Variants in SRGAP3 observed in about 807,000 individuals in gnomAD.
The protein encoded by SRGAP3 is SLIT-ROBO Rho GTPase-activating protein 3.
In SRGAP3, 39 loss-of-function variants were observed where a neutral mutation model predicts 121.1. That is an observed-to-expected ratio of 0.32 (90% CI 0.25 to 0.42). SRGAP3 has a LOEUF of 0.42. SRGAP3 is among the 10% of genes least tolerant of loss of function. The probability of loss-of-function intolerance (pLI) is 1.00; values close to 1 mark genes in which losing one functional copy is unlikely to be tolerated. For synonymous variants in SRGAP3, 601 were observed against 570.0 expected (o/e 1.05, Z -0.77); for missense variants, 1,213 against 1,470.6 (o/e 0.82, Z 2.86).
At position 9,064,000 on chromosome 3, in the gene SRGAP3, C is replaced by T. The variant is rs924213336; in HGVS notation, c.672+396G>A. On this transcript the variant is annotated intron_variant, in intron 5 of 21. Coordinates refer to ENST00000383836, the MANE Select transcript of SRGAP3 (RefSeq NM_014850.4). The stretch of plus-strand genomic sequence containing the variant: ...ATTCAGCAATCAGTTCCCACCTCAC[C>T]CCCCGCCCCTACCCTTGGCCATCAA... Among the ~76,000 whole-genome samples, 4 of 152,296 alleles carry T rather than the reference C, an allele frequency of 2.6e-5. No individual in the cohort carries two copies. In the South Asian group the frequency reaches 6.2e-4, roughly 24 times the overall value.
chr3:9,253,998 C>A (rs560727029), upstream of SRGAP3, among the ~76,000 whole-genome samples: 1 of 152,176 alleles, frequency 6.6e-6, no homozygotes, highest in African/African-American at 2.4e-5. Context: ...GAAAAGCTGA[C>A]AAATTCAACC....
At chr3:9,286,213 C>T (rs1320206683) in intron 3 of SRGAP3, among the ~76,000 whole-genome samples, 2 of 151,812 alleles carry the variant, frequency 1.3e-5, no homozygotes, top group Admixed American at 6.6e-5. Flanking sequence ...TCACACAACA[C>T]TTATAATGAA....
chr3:9,062,968 A>T (rs114293452), intron 5 of SRGAP3, among the ~76,000 whole-genome samples: 1 of 152,118 alleles, frequency 6.6e-6, no homozygotes, highest in Non-Finnish European at 1.5e-5. Flanking sequence ...ATCACTGTAC[A>T]TTCCCTTTAG....
chr3:9,078,195 T>C (rs1025285034), intron 4 of SRGAP3, among the ~76,000 whole-genome samples: 1 of 151,930 alleles, frequency 6.6e-6, no homozygotes, highest in African/African-American at 2.4e-5. Context: ...TTGGTGTAAA[T>C]AGAGGGCACC....
intron 1 of SRGAP3, among the ~76,000 whole-genome samples, chr3:9,179,146 C>T (rs1951287734): frequency 6.6e-6 from 1 of 152,222 alleles, no homozygotes; most frequent in Non-Finnish European, 1.5e-5. Context: ...GTCCCAGCTG[C>T]CTGGATCACT....
At chr3:9,155,027 T>C (rs1028715511) in intron 1 of SRGAP3, among the ~76,000 whole-genome samples, 6 of 152,160 alleles carry the variant, frequency 3.9e-5, no homozygotes, top group Non-Finnish European at 4.4e-5. Context: ...CATCCTGTTT[T>C]TTAATCTCAA....
chr3:9,196,663 C>T (rs1435904343), intron 1 of SRGAP3, among the ~76,000 whole-genome samples: 1 of 152,074 alleles, frequency 6.6e-6, no homozygotes, highest in Non-Finnish European at 1.5e-5. Context: ...TAACATTTCC[C>T]TCCAAAACAA....
intron 1 of SRGAP3, among the ~76,000 whole-genome samples, chr3:9,332,780 G>A (rs1439514400): frequency 2.0e-5 from 3 of 152,136 alleles, no homozygotes; most frequent in Admixed American, 2.0e-4. Context: ...ATTAAAGACA[G>A]AAGGCAAGGG....
intron 1 of SRGAP3, among the ~76,000 whole-genome samples, chr3:9,127,150 C>T (rs570885372): frequency 7.4e-5 from 11 of 148,366 alleles, no homozygotes; most frequent in Non-Finnish European, 1.6e-4. Context: ...AGGGAGACCT[C>T]GTCTCCATAA....
chr3:9,293,390 T>A (rs1954900364), intron 3 of SRGAP3: 1 of 152,182 alleles, frequency 6.6e-6, no homozygotes, highest in Admixed American at 6.5e-5. Context: ...AAACTGAGGA[T>A]GTGGACTGAT....
chr3:9,043,030 G>A (rs556694791), intron 10 of SRGAP3, among the ~76,000 whole-genome samples: 6 of 152,148 alleles, frequency 3.9e-5, no homozygotes, highest in Admixed American at 2.0e-4. Context: ...AACTCCCCTA[G>A]GAAGCCTCTC....
intron 1 of SRGAP3, among the ~76,000 whole-genome samples, chr3:9,132,350 G>A (rs551726538): frequency 3.3e-5 from 5 of 152,134 alleles, no homozygotes; most frequent in Non-Finnish European, 7.3e-5. Context: ...CACCATTACA[G>A]TATCATACAG....
intron 18 of SRGAP3, among the ~76,000 whole-genome samples, chr3:9,009,829 T>C (rs552070799): frequency 1.1e-4 from 16 of 152,274 alleles, no homozygotes; most frequent in African/African-American, 3.9e-4. Context: ...AATCTGGCAT[T>C]ATCGCTTTGC....
chr3:9,036,897 C>T (rs2662088), intron 11 of SRGAP3: 51,301 of 152,136 alleles, frequency 0.34, 10,238 homozygotes, highest in Admixed American at 0.46. Context: ...TCTGCCGCCC[C>T]GTGTGCTGGA....
chr3:8,994,011 G>C, intron 19 of SRGAP3: 1 of 397,924 alleles, frequency 2.5e-6, no homozygotes, highest in Non-Finnish European at 4.7e-6. Flanking sequence ...AGGCAGGGGA[G>C]GCCTAGGAGG....
At chr3:9,319,870 C>T (rs1955411838) in intron 3 of SRGAP3, among the ~76,000 whole-genome samples, 1 of 151,916 alleles carries the variant, frequency 6.6e-6, no homozygotes, top group South Asian at 2.1e-4. Flanking sequence ...AAAGCCAGGA[C>T]AGGCTCAGGG....
intron 3 of SRGAP3, among the ~76,000 whole-genome samples, 176 bp from the exon 4 acceptor site, chr3:9,080,263 C>CA (rs1392518026): frequency 1.3e-5 from 2 of 152,194 alleles, no homozygotes; most frequent in African/African-American, 4.8e-5. Flanking sequence ...GTCCATGAAA[C>CA]AAACCCACAG....
At chr3:9,254,207 T>C (rs189597172), upstream of SRGAP3, among the ~76,000 whole-genome samples, 55 of 152,244 alleles carry the variant, frequency 3.6e-4, no homozygotes, top group Admixed American at 3.2e-3. Flanking sequence ...CAAATGTTGT[T>C]TGAATGAATG....
Position 9,191,074 on chromosome 3 carries a change from C to G in SRGAP3, c.67+57811G>C, listed in dbSNP as rs1161263805. Reference sequence around the variant, plus strand: ...AAAAAAAAAGAAGTTTCTCGTCCCCCTCCTCCACACTCTGTCCTCAGTTCC... The same window carrying G: ...AAAAAAAAAGAAGTTTCTCGTCCCCGTCCTCCACACTCTGTCCTCAGTTCC... On this transcript the variant is annotated intron_variant, in intron 1 of 21. Transcript: ENST00000383836. Among the ~76,000 whole-genome samples the G allele has an allele frequency of 2.6e-5, 4 of 152,176 alleles. No homozygotes were observed. In the East Asian group the frequency reaches 7.7e-4, roughly 29 times the overall value.
Sources: allele counts gnomAD v4.1 joint callset (sites outside exome capture counted in the v4.1 genomes callset), GRCh38; gene constraint gnomAD v4.1.1; transcripts MANE v1.5; gene names NCBI Gene and HGNC (gene_info 2026-07-23, HGNC 2026-07-21).